The following ARHGAP10 variants were observed in gnomAD, a reference collection of about 807,000 sequenced individuals.
ARHGAP10 encodes the protein Rho GTPase activating protein 10.
Under a neutral mutation model 108.6 loss-of-function variants are expected in ARHGAP10, and 87 were observed. The observed-to-expected ratio is 0.80, with a 90% confidence interval of 0.67 to 0.96. The LOEUF is 0.96. Ranked by LOEUF, ARHGAP10 falls within the 40% of genes least tolerant of loss-of-function variation. ARHGAP10 has a pLI of 0.00. For missense variants in ARHGAP10, 939 were observed against 954.5 expected, an observed-to-expected ratio of 0.98 and a Z score of 0.21; for synonymous variants, 347 against 341.1, an observed-to-expected ratio of 1.02 and a Z score of -0.19.
At chr4:147,761,217 A>G (rs1030423385) in intron 1 of ARHGAP10, among the ~76,000 whole-genome samples, 11 of 151,900 alleles carry the variant, frequency 7.2e-5, no homozygotes, top group Non-Finnish European at 1.6e-4. Flanking sequence ...GGGTCTTGCT[A>G]TGTTACCCAT....
chr4:147,866,636 C>T (rs1734575444), intron 6 of ARHGAP10, 76 bp from the exon 7 acceptor site: 22 of 1,037,102 alleles, frequency 2.1e-5, no homozygotes, highest in Non-Finnish European at 3.2e-5. Context: ...GCGGGGGGAA[C>T]ACTTGGTTGT....
At chr4:147,787,578 G>T (rs1730936467) in intron 1 of ARHGAP10, among the ~76,000 whole-genome samples, 1 of 152,156 alleles carries the variant, frequency 6.6e-6, no homozygotes, top group African/African-American at 2.4e-5. Context: ...TCTGGCAGCA[G>T]TTTGTTGAGT....
At chr4:147,741,531 A>G (rs1728655398) in intron 1 of ARHGAP10, among the ~76,000 whole-genome samples, 1 of 152,188 alleles carries the variant, frequency 6.6e-6, no homozygotes, top group Non-Finnish European at 1.5e-5. Context: ...TAGTTGGGGC[A>G]GATGAACATG....
intron 1 of ARHGAP10, chr4:147,782,712 G>A (rs372945850): frequency 2.0e-5 from 3 of 152,246 alleles, no homozygotes; most frequent in Admixed American, 6.6e-5. Context: ...GTTCTGAGGG[G>A]TCAGACCAGT....
At chr4:147,938,299 A>G (rs1738031527) in intron 13 of ARHGAP10, among the ~76,000 whole-genome samples, 2 of 152,180 alleles carry the variant, frequency 1.3e-5, no homozygotes, top group African/African-American at 2.4e-5. Flanking sequence ...TAGTCTGTAC[A>G]ACAAATGCCA....
chr4:147,848,104 T>C (rs1733709990), intron 4 of ARHGAP10, among the ~76,000 whole-genome samples: 2 of 148,852 alleles, frequency 1.3e-5, no homozygotes, highest in African/African-American at 4.9e-5. Flanking sequence ...TTTTTTTTTT[T>C]CTCTTCCTAA....
chr4:147,924,961 A>G (rs1737403928), intron 13 of ARHGAP10, among the ~76,000 whole-genome samples: 1 of 148,668 alleles, frequency 6.7e-6, no homozygotes, highest in South Asian at 2.1e-4. Context: ...AGGAGATTGA[A>G]GAACTTTCTA....
intron 1 of ARHGAP10, among the ~76,000 whole-genome samples, chr4:147,782,911 A>T (rs1001801623): frequency 1.4e-5 from 2 of 141,568 alleles, no homozygotes; most frequent in South Asian, 4.3e-4. Context: ...ATTATATATA[A>T]TATATAAATT....
chr4:147,962,325 C>T (rs562665907), intron 16 of ARHGAP10, among the ~76,000 whole-genome samples: 8 of 152,314 alleles, frequency 5.3e-5, no homozygotes, highest in East Asian at 1.9e-4. Flanking sequence ...AATAGTAACA[C>T]GAACAACAAC....
chr4:147,910,693 C>T (rs542556274), intron 12 of ARHGAP10, among the ~76,000 whole-genome samples: 1 of 152,028 alleles, frequency 6.6e-6, no homozygotes, highest in African/African-American at 2.4e-5. Context: ...TTTTAACTTA[C>T]ATAAAAACGT....
intron 6 of ARHGAP10, 96 bp from the exon 7 acceptor site, chr4:147,866,616 C>A: frequency 2.5e-6 from 2 of 809,634 alleles, no homozygotes; most frequent in Non-Finnish European, 4.1e-6. Flanking sequence ...AGTGGAATAA[C>A]AGTGAGATGG....
At chr4:147,787,275 C>T (rs1730926275) in intron 1 of ARHGAP10, among the ~76,000 whole-genome samples, 1 of 152,056 alleles carries the variant, frequency 6.6e-6, no homozygotes, top group Non-Finnish European at 1.5e-5. Context: ...ATTTGAGATG[C>T]ACTTGGCACA....
intron 1 of ARHGAP10, among the ~76,000 whole-genome samples, chr4:147,750,965 G>A (rs1250134346): frequency 6.6e-6 from 1 of 151,904 alleles, no homozygotes; most frequent in Admixed American, 6.6e-5. Context: ...GTCGCGTGAG[G>A]TCAGGAGTTG....
At chr4:148,001,252 C>G (rs1740706800) in intron 18 of ARHGAP10, among the ~76,000 whole-genome samples, 1 of 152,124 alleles carries the variant, frequency 6.6e-6, no homozygotes, top group South Asian at 2.1e-4. Flanking sequence ...TCTGAGGGCT[C>G]TGTTCTGTTC....
intron 1 of ARHGAP10, among the ~76,000 whole-genome samples, chr4:147,748,487 T>G (rs565659723): frequency 6.6e-6 from 1 of 152,322 alleles, no homozygotes; most frequent in South Asian, 2.1e-4. Flanking sequence ...ATACTTACAA[T>G]TTTCCTAAGA....
intron 1 of ARHGAP10, among the ~76,000 whole-genome samples, chr4:147,759,403 C>A (rs1452963108): frequency 6.6e-6 from 1 of 152,140 alleles, no homozygotes; most frequent in South Asian, 2.1e-4. Context: ...TTTCTAGTAA[C>A]CCCATTAAAA....
intron 7 of ARHGAP10, among the ~76,000 whole-genome samples, chr4:147,871,726 A>G (rs1734831303): frequency 6.6e-6 from 1 of 152,216 alleles, no homozygotes; most frequent in Admixed American, 6.5e-5. Flanking sequence ...TGGAACTTAT[A>G]ATTGGAAATT....
chr4:147,860,983 G>A (rs1313306527), intron 5 of ARHGAP10: 1 of 152,214 alleles, frequency 6.6e-6, no homozygotes, highest in African/African-American at 2.4e-5. Flanking sequence ...GAATTTTTAG[G>A]ATGTCTCTTT....
chr4:148,062,613 C>G (rs1729670360), intron 20 of ARHGAP10, among the ~76,000 whole-genome samples: 1 of 152,182 alleles, frequency 6.6e-6, no homozygotes, highest in Non-Finnish European at 1.5e-5. Flanking sequence ...AAGAAATGCT[C>G]TGGTCACCAG....
Sources: allele counts gnomAD v4.1 joint callset (sites outside exome capture counted in the v4.1 genomes callset), GRCh38; gene constraint gnomAD v4.1.1; transcripts MANE v1.5; gene names NCBI Gene and HGNC (gene_info 2026-07-23, HGNC 2026-07-21).